ANKS1B: variants seen among roughly 807,000 people sequenced by gnomAD.
ANKS1B encodes the protein ankyrin repeat and sterile alpha motif domain containing 1B.
Under a neutral mutation model 148.3 loss-of-function variants are expected in ANKS1B, and 36 were observed. The ratio of observed to expected loss-of-function variants is 0.24; its 90% CI spans 0.19 to 0.32. The LOEUF (loss-of-function observed/expected upper bound fraction) is 0.32. ANKS1B is among the 10% of genes least tolerant of loss of function. The pLI is 1.00. For missense variants in ANKS1B, 1,157 were observed against 1,542.6 expected (o/e 0.75, Z 4.19); for synonymous variants, 542 against 560.8 (o/e 0.97, Z 0.47).
intron 10 of ANKS1B, among the ~76,000 whole-genome samples, chr12:99,456,213 G>C (rs2095845766): frequency 6.6e-6 from 1 of 152,200 alleles, no homozygotes; most frequent in East Asian, 1.9e-4. Flanking sequence ...CATCCCTAGG[G>C]GAAAGGGAAG....
intron 10 of ANKS1B, among the ~76,000 whole-genome samples, chr12:99,469,837 TG>T (rs1252690292): frequency 6.6e-6 from 1 of 152,066 alleles, no homozygotes; most frequent in Non-Finnish European, 1.5e-5. Context: ...TAAAAAAGTT[TG>T]GCTGGCCACA....
In ANKS1B at chr12:99,984,617, A is replaced by C; in HGVS notation, c.-380T>G. On this transcript the variant is annotated 5_prime_UTR_variant, in exon 1 of 27. Transcript: ENST00000683438. ...GGACTGAGGTCGGAGGAGGAGGAGG[A>C]GGCGGCAGAGAGAGTCCTAGCTGGA... The C allele has an allele frequency of 5.9e-6, 1 of 168,334 alleles. No individual in the cohort carries two copies. The highest frequency in any genetic ancestry group is 1.7e-4 in the East Asian group (1 of 6,058). 10.4% of individuals were successfully genotyped at this position (168,334 alleles called of 1,614,324 possible).
At chr12:99,274,931 T>C (rs1042179402) in intron 12 of ANKS1B, among the ~76,000 whole-genome samples, 1 of 152,214 alleles carries the variant, frequency 6.6e-6, no homozygotes, top group Non-Finnish European at 1.5e-5. Flanking sequence ...CACATGGCTA[T>C]TGTGCTTCCT....
chr12:99,831,717 G>C (rs1201545012), intron 1 of ANKS1B, among the ~76,000 whole-genome samples: 1 of 151,422 alleles, frequency 6.6e-6, no homozygotes, highest in Non-Finnish European at 1.5e-5. Context: ...TACTGATCAG[G>C]GTTTTTTTTT....
intron 9 of ANKS1B, among the ~76,000 whole-genome samples, chr12:99,590,242 TCACACCCACACCCACCCACACA>T (rs1480926820): frequency 7.5e-6 from 1 of 132,864 alleles, no homozygotes; most frequent in Admixed American, 7.7e-5. Context: ...AAACATTCAC[TCACACCCACACCCACCCACACA>T]CACACACACA....
At chr12:98,802,199 G>T (rs1340859539) in intron 20 of ANKS1B, among the ~76,000 whole-genome samples, 1 of 152,218 alleles carries the variant, frequency 6.6e-6, no homozygotes, top group Non-Finnish European at 1.5e-5. Context: ...GGAGTTGGAA[G>T]AGTGTAAAAA....
At chr12:99,632,422 G>T (rs552949043) in intron 9 of ANKS1B, among the ~76,000 whole-genome samples, 15 of 152,034 alleles carry the variant, frequency 9.9e-5, no homozygotes, top group African/African-American at 2.2e-4. Flanking sequence ...AATCCTCACT[G>T]CATAGGGCAG....
intron 17 of ANKS1B, among the ~76,000 whole-genome samples, chr12:98,983,140 A>T (rs1598008777): frequency 6.6e-6 from 1 of 152,300 alleles, no homozygotes; most frequent in East Asian, 1.9e-4. Context: ...GTGGGCCTGG[A>T]TGGGTTCTCT....
At chr12:98,815,729 C>T (rs940392784) in intron 19 of ANKS1B, among the ~76,000 whole-genome samples, 5 of 152,152 alleles carry the variant, frequency 3.3e-5, no homozygotes, top group Non-Finnish European at 5.9e-5. Flanking sequence ...TCCTGTATCT[C>T]GCATTCAATC....
chr12:99,525,582 G>A (rs1443396784), intron 9 of ANKS1B, among the ~76,000 whole-genome samples: 1 of 152,126 alleles, frequency 6.6e-6, no homozygotes, highest in Non-Finnish European at 1.5e-5. Context: ...CATTATAAAG[G>A]TGGTATTTCA....
intron 1 of ANKS1B, among the ~76,000 whole-genome samples, chr12:99,961,079 A>G (rs1277207893): frequency 6.6e-6 from 1 of 152,128 alleles, no homozygotes; most frequent in African/African-American, 2.4e-5. Context: ...AATACCAAAA[A>G]TTAGCCAGGC....
intron 17 of ANKS1B, among the ~76,000 whole-genome samples, chr12:98,880,119 C>T (rs368833610): frequency 2.8e-4 from 43 of 152,154 alleles, no homozygotes; most frequent in African/African-American, 1.0e-3. Context: ...CTTCGGAAAG[C>T]TACAAAATCA....
chr12:98,764,324 T>G (rs1451795152), intron 25 of ANKS1B, among the ~76,000 whole-genome samples: 5 of 152,172 alleles, frequency 3.3e-5, no homozygotes, highest in Non-Finnish European at 7.3e-5. Flanking sequence ...CCTCCTGGGT[T>G]CAAGCAATTC....
intron 9 of ANKS1B, among the ~76,000 whole-genome samples, chr12:99,551,655 T>C (rs1567332353): frequency 6.6e-6 from 1 of 152,024 alleles, no homozygotes; most frequent in Non-Finnish European, 1.5e-5. Context: ...ATTTGAGCTA[T>C]GTCTTAGAGT....
chr12:99,824,109 G>GT (rs913462147), intron 2 of ANKS1B, among the ~76,000 whole-genome samples: 2 of 152,138 alleles, frequency 1.3e-5, no homozygotes, highest in African/African-American at 4.8e-5. Flanking sequence ...TTTTAGAATA[G>GT]TTTTTTCCTA....
intron 14 of ANKS1B, among the ~76,000 whole-genome samples, chr12:99,186,682 G>A (rs1295440501): frequency 2.0e-5 from 3 of 152,122 alleles, no homozygotes; most frequent in Admixed American, 6.5e-5. Flanking sequence ...CAAACAGAAA[G>A]GAATAGTATC....
intron 9 of ANKS1B, among the ~76,000 whole-genome samples, chr12:99,589,992 A>G (rs2097683564): frequency 6.6e-6 from 1 of 152,170 alleles, no homozygotes. Flanking sequence ...ATTTTTTAAA[A>G]AAGAATCTCA....
At chr12:99,623,371 C>A (rs1354404093) in intron 9 of ANKS1B, among the ~76,000 whole-genome samples, 2 of 151,980 alleles carry the variant, frequency 1.3e-5, no homozygotes, top group Admixed American at 6.6e-5. Context: ...ACTCTCACCA[C>A]CCCTATTCAA....
intron 17 of ANKS1B, among the ~76,000 whole-genome samples, chr12:98,974,716 C>A (rs1453546358): frequency 6.6e-6 from 1 of 152,100 alleles, no homozygotes; most frequent in African/African-American, 2.4e-5. Flanking sequence ...GTAGACAAAT[C>A]TTAGATGGAG....
Sources: gnomAD v4.1 joint callset for allele counts (sites outside exome capture counted in the v4.1 genomes callset) on GRCh38, gnomAD v4.1.1 for gene constraint, MANE v1.5 for transcripts, NCBI Gene and HGNC (gene_info 2026-07-23, HGNC 2026-07-21) for gene names.